CCDC51: variants seen among roughly 807,000 people sequenced by gnomAD.
CCDC51 encodes the protein coiled-coil domain containing 51, also known as mitochondrial potassium channel.
Under a neutral mutation model 24.8 loss-of-function variants are expected in CCDC51, and 25 were observed. The ratio of observed to expected loss-of-function variants is 1.01; its 90% CI spans 0.73 to 1.41. The LOEUF (loss-of-function observed/expected upper bound fraction) is 1.41, where lower values mean the gene tolerates loss of function less well. Among genes scored for constraint, CCDC51 ranks in the 40% most tolerant of loss-of-function variants. The probability of loss-of-function intolerance (pLI) is 0.00; values close to 1 mark genes in which losing one functional copy is unlikely to be tolerated. For synonymous variants in CCDC51, 190 were observed against 204.3 expected (o/e 0.93, Z 0.60); for missense variants, 466 against 519.1 (o/e 0.90, Z 0.99).
upstream of CCDC51, among the ~76,000 whole-genome samples, chr3:48,443,241 CAAAAAAAAAAAAA>C (rs3082576): frequency 5.7e-5 from 4 of 70,534 alleles, no homozygotes; most frequent in East Asian, 3.9e-4. Flanking sequence ...ACTCCATCTC[CAAAAAAAAAAAAA>C]AAAAAAAAAA....
rs1431126389 is a variant in CCDC51, at chr3:48,440,075, G to A, written c.-96C>T. 6.9e-6 allele frequency: 5 copies of A among 723,624 alleles called. No homozygotes were observed. The Admixed American group carries it at 1.6e-4, about 23-fold the overall frequency. 44.8% of individuals were successfully genotyped at this position (723,624 alleles called of 1,614,324 possible). A position where few individuals can be genotyped will look rare whatever the true frequency, so the allele number is the denominator to read the frequency against. ...TACGGTTCCGATTCTACCCTGGCAGGACAACCCTAGCTCCTCGTACCTGGC... is the reference window on the plus strand; with the variant it reads ...TACGGTTCCGATTCTACCCTGGCAGAACAACCCTAGCTCCTCGTACCTGGC... On this transcript the variant is annotated 5_prime_UTR_variant, in exon 1 of 4. Coordinates refer to ENST00000395694, the MANE Select transcript of CCDC51 (RefSeq NM_001256964.2).
chr3:48,436,418 T>C (rs2039355586), intron 1 of CCDC51, among the ~76,000 whole-genome samples: 1 of 152,148 alleles, frequency 6.6e-6, no homozygotes, highest in African/African-American at 2.4e-5. Flanking sequence ...GGTAGAAACA[T>C]GTCTTCTGGG....
chr3:48,443,804 A>G (rs771887340), upstream of CCDC51: 2 of 1,521,982 alleles, frequency 1.3e-6, no homozygotes, highest in South Asian at 1.3e-5. Flanking sequence ...CTTCTACCGT[A>G]AGAACTATAT....
upstream of CCDC51, chr3:48,440,273 T>C (rs749164847): frequency 1.6e-5 from 25 of 1,594,634 alleles, no homozygotes; most frequent in Middle Eastern, 5.0e-4. Flanking sequence ...GGTGGCAGGG[T>C]CTGGGGAAGC....
upstream of CCDC51, chr3:48,440,399 A>C (rs747694225): frequency 4.3e-6 from 7 of 1,611,662 alleles, no homozygotes; most frequent in South Asian, 1.1e-5. Context: ...CGTGTCGCCC[A>C]CAGGTGGCAA....
rs1462574181 is a variant in CCDC51 at position 48,435,261 on chromosome 3, C to T, written c.-8-125G>A. ...CTCAAATCATCTAAACTGAGCACCA[C>T]CCTGTTGGGCCCAGAGACTGTGGCC... On this transcript the variant is annotated intron_variant, in intron 1 of 3. Transcript: ENST00000395694. This position sits in a 1 kb window ranked among gnomAD's most constrained non-coding sequence, Gnocchi z 4.2. 4.9e-5 allele frequency: 37 copies of T among 758,856 alleles called. 1 individual carries two copies. Among genetic ancestry groups the T allele is most frequent in the South Asian group, 1.0e-4 (5 of 49,156 alleles). 47.0% of individuals were successfully genotyped at this position (758,856 alleles called of 1,614,324 possible).
rs1438107802 is a variant in CCDC51 at position 48,432,331 on chromosome 3, G to A, written c.*77C>T. On this transcript the variant is annotated 3_prime_UTR_variant, in exon 4 of 4. Transcript: ENST00000395694. ...AGGTTGTACATGCCCCCAAAGGCTC[G>A]CTTCATTGCTACGATTCTCTACTTA... 17 of 1,550,898 alleles carry A rather than the reference G, an allele frequency of 1.1e-5. No homozygotes were observed. Among genetic ancestry groups the A allele is most frequent in the Middle Eastern group, 2.0e-4 (1 of 5,094 alleles).
chr3:48,440,934 C>T (rs1384687557), upstream of CCDC51: 2 of 469,742 alleles, frequency 4.3e-6, no homozygotes, highest in Non-Finnish European at 7.6e-6. Flanking sequence ...CAAAGTCTGA[C>T]GTCGTCCGCA....
In CCDC51 at chr3:48,437,631, T is replaced by C. The variant is rs975988540; in HGVS notation, c.-9+2357A>G. 2.0e-5 allele frequency among the ~76,000 whole-genome samples: 3 copies of C among 152,068 alleles called. No homozygotes were observed. The highest frequency in any genetic ancestry group is 7.3e-5 in the African/African-American group (3 of 41,378). On this transcript the variant is annotated intron_variant, in intron 1 of 3. Transcript: ENST00000395694. This position sits in a 1 kb window ranked among gnomAD's most constrained non-coding sequence, Gnocchi z 4.2. Reference sequence around the variant, plus strand: ...TGCCCCTTCAGATCCATTCTCCCGCTCTATGTAGATGGCTGTCTCCTACCA... The same window carrying C: ...TGCCCCTTCAGATCCATTCTCCCGCCCTATGTAGATGGCTGTCTCCTACCA...
At chr3:48,445,340 T>C (rs528337750), upstream of CCDC51, among the ~76,000 whole-genome samples, 40 of 152,304 alleles carry the variant, frequency 2.6e-4, 1 homozygote, top group South Asian at 7.5e-3. Flanking sequence ...TATTGAAAAC[T>C]TTCATGATTA....
At chr3:48,434,096 A>C in intron 2 of CCDC51, 1 of 1,010,218 alleles carries the variant, frequency 9.9e-7, no homozygotes. Context: ...AAGCAGAAAT[A>C]ACATGCCCCT....
chr3:48,440,280 A>G (rs773871244), upstream of CCDC51: 1 of 1,599,426 alleles, frequency 6.3e-7, no homozygotes, highest in South Asian at 1.1e-5. Context: ...GGGTCTGGGG[A>G]AGCGGCGGCA....
upstream of CCDC51, chr3:48,440,711 T>C: frequency 7.8e-7 from 1 of 1,276,978 alleles, no homozygotes. Context: ...GTCTTTTTCC[T>C]GCCTCCTGAA....
chr3:48,433,147 G>C lies in CCDC51; in HGVS notation c.497C>G (p.Thr166Arg), dbSNP rs369077701. 2 of 1,611,230 alleles carry C rather than the reference G, an allele frequency of 1.2e-6. No homozygotes were observed. Among genetic ancestry groups the C allele is most frequent in the African/African-American group, 2.7e-5 (2 of 74,868 alleles). ...AGAGTCTTCTGCACGCAGATAGGCT[G>C]TGCGAAGCCTCTTCTCCTCCTGCAG... ...RMLQEEKRLRTAYLRAEDSER... is the reference protein window; with the variant it reads ...RMLQEEKRLRRAYLRAEDSER... The change falls in exon 4 of 4, where the codon ACA becomes AGA. Residue 166 changes from threonine to arginine, a missense_variant. Transcript: ENST00000395694. This position sits in a 1 kb window ranked among gnomAD's most constrained non-coding sequence, Gnocchi z 4.4.
chr3:48,443,517 G>C (rs1049402929), upstream of CCDC51, among the ~76,000 whole-genome samples: 7 of 150,280 alleles, frequency 4.7e-5, no homozygotes, highest in Middle Eastern at 3.4e-3. Flanking sequence ...CTGGGCGACA[G>C]AGCAAGATTC....
upstream of CCDC51, among the ~76,000 whole-genome samples, chr3:48,442,479 T>G (rs1040282862): frequency 2.7e-4 from 41 of 149,580 alleles, no homozygotes; most frequent in Non-Finnish European, 5.8e-4. Flanking sequence ...TTTTAAATAG[T>G]CTCACTCTGT....
In CCDC51 at chr3:48,434,893, G is replaced by A; in HGVS notation, c.236C>T (p.Ala79Val). Residue 79 changes from alanine (A) to valine (V), a missense_variant, in exon 2 of 4, where the codon GCC becomes GTC. By Grantham distance (64) the Ala-to-Val change is moderately conservative (BLOSUM62 0). Transcript: ENST00000395694. ...TTCATATCTGTCCCACCAAGTCTTG[G>A]CTGTGGAGGTCGCTCGTTGCTGAAT... ...HSIQQRATST[A>V]KTWWDRYEEF... 6.2e-7 allele frequency: 1 copy of A among 1,614,222 alleles called. No homozygotes were observed. Among genetic ancestry groups the A allele is most frequent in the South Asian group, 1.1e-5 (1 of 91,092 alleles).
the CCDC51 span, chr3:48,446,652 CG>C: frequency 1.7e-6 from 1 of 580,512 alleles, no homozygotes; most frequent in East Asian, 3.7e-5. Context: ...CGGGCGGGGC[CG>C]GGTGTGGCGG....
chr3:48,441,525 T>C (rs1313145869), upstream of CCDC51, among the ~76,000 whole-genome samples: 1 of 151,692 alleles, frequency 6.6e-6, no homozygotes, highest in Non-Finnish European at 1.5e-5. Flanking sequence ...ATCTCTAATA[T>C]ATGCTTTTTT....
Sources: allele counts gnomAD v4.1 joint callset (sites outside exome capture counted in the v4.1 genomes callset), GRCh38; gene constraint gnomAD v4.1.1; non-coding constraint Gnocchi (gnomAD v3.1); transcripts MANE v1.5; gene names NCBI Gene and HGNC (gene_info 2026-07-23, HGNC 2026-07-21).